The following STK39 variants were observed in gnomAD, a reference collection of about 807,000 sequenced individuals.
The protein encoded by STK39 is serine/threonine kinase 39.
A neutral mutation model predicts 77.8 loss-of-function variants in STK39; 20 were observed. The ratio of observed to expected loss-of-function variants is 0.26; its 90% CI spans 0.18 to 0.37. The LOEUF (loss-of-function observed/expected upper bound fraction) is 0.37, where lower values mean the gene tolerates loss of function less well. Ranked by LOEUF, STK39 falls within the 10% of genes least tolerant of loss-of-function variation. The pLI is 1.00. For synonymous variants in STK39, 246 were observed against 234.1 expected (o/e 1.05, Z -0.47); for missense variants, 479 against 656.5 (o/e 0.73, Z 2.95).
At chr2:168,059,061 C>T (rs1403751209) in intron 14 of STK39, among the ~76,000 whole-genome samples, 1 of 152,212 alleles carries the variant, frequency 6.6e-6, no homozygotes, top group Non-Finnish European at 1.5e-5. Flanking sequence ...TTTCCAATTA[C>T]TTATAACATG....
At chr2:168,112,733 A>C (rs1486446320) in intron 10 of STK39, among the ~76,000 whole-genome samples, 2 of 152,172 alleles carry the variant, frequency 1.3e-5, no homozygotes, top group East Asian at 3.8e-4. Flanking sequence ...AGCGGTTTGG[A>C]CCATTGTTTT....
chr2:168,061,325 A>G (rs533950517), intron 14 of STK39, among the ~76,000 whole-genome samples: 2 of 152,286 alleles, frequency 1.3e-5, no homozygotes, highest in Non-Finnish European at 2.9e-5. Context: ...AAATATGGGC[A>G]CTACATACAA....
At chr2:168,244,644 T>TA (rs1690853630) in intron 1 of STK39, among the ~76,000 whole-genome samples, 1 of 152,232 alleles carries the variant, frequency 6.6e-6, no homozygotes, top group African/African-American at 2.4e-5. Flanking sequence ...CATTAAACCC[T>TA]AAATGGAAAC....
intron 10 of STK39, among the ~76,000 whole-genome samples, chr2:168,100,505 C>G (rs1304427146): frequency 1.3e-5 from 2 of 152,162 alleles, no homozygotes; most frequent in Non-Finnish European, 2.9e-5. Context: ...CTCAAGCGAT[C>G]CTCCTGCCAC....
At chr2:167,998,340 A>C (rs77250835) in intron 16 of STK39, among the ~76,000 whole-genome samples, 2,103 of 152,334 alleles carry the variant, frequency 0.014, 49 homozygotes, top group African/African-American at 0.047. Flanking sequence ...CCCTGAAAAA[A>C]TATTCACTAA....
At chr2:167,973,910 T>G (rs1683188190) in intron 16 of STK39, among the ~76,000 whole-genome samples, 1 of 152,238 alleles carries the variant, frequency 6.6e-6, no homozygotes, top group Admixed American at 6.5e-5. Flanking sequence ...AGGATTTTCT[T>G]AAAGTACTAA....
At chr2:168,213,868 A>G (rs1689957318) in intron 1 of STK39, among the ~76,000 whole-genome samples, 1 of 152,130 alleles carries the variant, frequency 6.6e-6, no homozygotes, top group Admixed American at 6.6e-5. Flanking sequence ...TGTTCCTTTC[A>G]ATATGGTTTC....
At chr2:168,011,372 G>T (rs1285552562) in intron 16 of STK39, among the ~76,000 whole-genome samples, 1 of 88,418 alleles carries the variant, frequency 1.1e-5, no homozygotes, top group Non-Finnish European at 2.2e-5. Context: ...AATCAGTTTT[G>T]ATTTGAATAT....
chr2:168,236,459 C>G (rs1436053417), intron 1 of STK39, among the ~76,000 whole-genome samples: 4 of 152,038 alleles, frequency 2.6e-5, no homozygotes, highest in African/African-American at 7.2e-5. Context: ...AGTTTAATTA[C>G]ATCCCATTTG....
At chr2:168,210,977 G>A (rs1689876428) in intron 1 of STK39, among the ~76,000 whole-genome samples, 1 of 152,056 alleles carries the variant, frequency 6.6e-6, no homozygotes, top group Non-Finnish European at 1.5e-5. Context: ...CAAAAAAAAT[G>A]CTCATCAAAA....
At chr2:168,050,232 A>G (rs368799957) in intron 14 of STK39, among the ~76,000 whole-genome samples, 12 of 152,346 alleles carry the variant, frequency 7.9e-5, no homozygotes, top group African/African-American at 2.9e-4. Flanking sequence ...TGTGACAGGC[A>G]CTGCATCAGG....
At chr2:168,152,877 G>A (rs1280390116) in intron 5 of STK39, among the ~76,000 whole-genome samples, 1 of 152,168 alleles carries the variant, frequency 6.6e-6, no homozygotes, top group African/African-American at 2.4e-5. Context: ...TCATATACCT[G>A]CAGGTGATCT....
intron 8 of STK39, 123 bp downstream of exon 8, chr2:168,137,965 C>T: frequency 7.3e-7 from 1 of 1,368,738 alleles, no homozygotes. Flanking sequence ...CTGGGGACCA[C>T]AGCAGGGTTT....
intron 8 of STK39, among the ~76,000 whole-genome samples, chr2:168,133,853 G>A (rs1016064750): frequency 4.1e-5 from 5 of 120,556 alleles, no homozygotes; most frequent in African/African-American, 1.6e-4. Flanking sequence ...GCGAGACTCT[G>A]TCTAAAAAAA....
chr2:168,032,089 A>G (rs1284835640), intron 14 of STK39, among the ~76,000 whole-genome samples: 1 of 152,238 alleles, frequency 6.6e-6, no homozygotes, highest in East Asian at 1.9e-4. Flanking sequence ...CCAAAAGTAG[A>G]AAAACCCTTG....
intron 1 of STK39, among the ~76,000 whole-genome samples, chr2:168,222,073 ATC>A (rs1690186776): frequency 6.6e-6 from 1 of 152,280 alleles, no homozygotes; most frequent in East Asian, 1.9e-4. Flanking sequence ...GTGTATTTGC[ATC>A]TTTTTTCCTT....
chr2:168,192,496 G>A (rs1000504310), intron 1 of STK39, among the ~76,000 whole-genome samples: 2 of 151,916 alleles, frequency 1.3e-5, no homozygotes, highest in African/African-American at 2.4e-5. Context: ...CCAAATGTTC[G>A]CTCTGTACTT....
At chr2:168,050,974 T>A (rs1685380685) in intron 14 of STK39, among the ~76,000 whole-genome samples, 2 of 152,218 alleles carry the variant, frequency 1.3e-5, no homozygotes, top group Non-Finnish European at 2.9e-5. Context: ...TTCCAAGAAG[T>A]CTGGTTTCAA....
chr2:168,192,145 G>A (rs960448030), intron 1 of STK39, among the ~76,000 whole-genome samples: 1 of 152,176 alleles, frequency 6.6e-6, no homozygotes, highest in African/African-American at 2.4e-5. Flanking sequence ...AACAGTAACA[G>A]GATGAAGCGT....
Sources: gnomAD v4.1 joint callset for allele counts (sites outside exome capture counted in the v4.1 genomes callset) on GRCh38, gnomAD v4.1.1 for gene constraint, MANE v1.5 for transcripts, NCBI Gene and HGNC (gene_info 2026-07-23, HGNC 2026-07-21) for gene names.